ZBED6: variants seen among roughly 807,000 people sequenced by gnomAD.
ZBED6 encodes the protein zinc finger BED domain-containing protein 6.
In ZBED6, 40 loss-of-function variants were observed where a neutral mutation model predicts 58.4. That is an observed-to-expected ratio of 0.68 (90% CI 0.53 to 0.89). The LOEUF (loss-of-function observed/expected upper bound fraction) is 0.89. Among genes scored for constraint, ZBED6 ranks in the 40% least tolerant of loss-of-function variants. ZBED6 has a pLI of 0.00. For synonymous variants in ZBED6, 439 were observed against 350.6 expected (o/e 1.25, Z -2.82); for missense variants, 1,057 against 1,003.9 (o/e 1.05, Z -0.71).
At chr1:203,819,217 TTTC>T (rs1187152728) in intron 3 of ZBED6, among the ~76,000 whole-genome samples, 1 of 121,948 alleles carries the variant, frequency 8.2e-6, no homozygotes. Flanking sequence ...TTTTTTTTTC[TTTC>T]TTTTTATTTT....
Position 203,849,861 on chromosome 1 carries a change from G to C in ZBED6, c.*4473G>C. ...AGATGTAGCCTCTTGCAATACCCAA[G>C]TGGCAGAGAAACCAGTGCTCACTGC... On this transcript the variant is annotated 3_prime_UTR_variant, in exon 14 of 17. Coordinates refer to ENST00000550078, the Ensembl canonical transcript of ZBED6. 6.2e-6 allele frequency: 10 copies of C among 1,614,066 alleles called. No homozygotes were observed. The highest frequency in any genetic ancestry group is 8.5e-6 in the Non-Finnish European group (10 of 1,180,026).
chr1:203,839,474 T>A (rs561633554), intron 10 of ZBED6, among the ~76,000 whole-genome samples: 65 of 152,298 alleles, frequency 4.3e-4, no homozygotes, highest in African/African-American at 1.5e-3. Context: ...TCCTTCTCAT[T>A]GTGTTTGGTT....
exon 1 of ZBED6, chr1:203,796,389 C>T (rs940780358): frequency 2.5e-6 from 1 of 398,916 alleles, no homozygotes; most frequent in African/African-American, 2.1e-5. Context: ...TCATTACACT[C>T]CCACCCCTGG....
At chr1:203,813,632 G>C (rs2102695046) in intron 1 of ZBED6, among the ~76,000 whole-genome samples, 1 of 152,298 alleles carries the variant, frequency 6.6e-6, no homozygotes, top group South Asian at 2.1e-4. Flanking sequence ...AGCTACAGAA[G>C]TTTGTTGTCT....
At chr1:203,813,232 G>T (rs1330296924) in intron 1 of ZBED6, among the ~76,000 whole-genome samples, 1 of 151,230 alleles carries the variant, frequency 6.6e-6, no homozygotes, top group Non-Finnish European at 1.5e-5. Flanking sequence ...TTTGGATGGA[G>T]TTTTGCTCTT....
At chr1:203,819,076 A>T (rs1421910762) in intron 3 of ZBED6, among the ~76,000 whole-genome samples, 3 of 34,180 alleles carry the variant, frequency 8.8e-5, no homozygotes, top group African/African-American at 1.1e-4. Context: ...TCAAAAAAAA[A>T]AATATATATA....
At chr1:203,808,063 T>G (rs1416683647) in intron 1 of ZBED6, among the ~76,000 whole-genome samples, 8 of 152,146 alleles carry the variant, frequency 5.3e-5, no homozygotes, top group Non-Finnish European at 8.8e-5. Context: ...TTTTCTACTT[T>G]TATTGAGTAC....
At chr1:203,847,236 T>A in exon 12 of ZBED6, 1 of 1,613,800 alleles carries the variant, frequency 6.2e-7, no homozygotes, top group East Asian at 2.2e-5. Context: ...AAGAAATTCT[T>A]CTTGAAAGAG....
chr1:203,822,111 C>G (rs1485113097), intron 3 of ZBED6, among the ~76,000 whole-genome samples: 1 of 152,116 alleles, frequency 6.6e-6, no homozygotes, highest in Non-Finnish European at 1.5e-5. Context: ...CATATAGATG[C>G]TTCCAGTTCA....
chr1:203,809,489 A>G (rs1433821163), intron 1 of ZBED6, among the ~76,000 whole-genome samples: 1 of 151,824 alleles, frequency 6.6e-6, no homozygotes, highest in East Asian at 1.9e-4. Flanking sequence ...CTCTTTTTTC[A>G]TAGTGGTATG....
chr1:203,831,758 C>T (rs141612045), exon 8 of ZBED6: 2 of 1,611,808 alleles, frequency 1.2e-6, no homozygotes, highest in East Asian at 2.2e-5. Context: ...CAGTAACTCT[C>T]TCCACCAAAC....
intron 12 of ZBED6, 24 bp downstream of exon 12, chr1:203,847,711 G>A: frequency 1.2e-6 from 2 of 1,602,184 alleles, no homozygotes; most frequent in Non-Finnish European, 1.7e-6. Context: ...TTGGTCTCTA[G>A]TACCACGTCC....
At chr1:203,833,742 T>TTC in intron 8 of ZBED6, 49 bp from the exon 9 acceptor site, 1 of 1,551,286 alleles carries the variant, frequency 6.4e-7, no homozygotes, top group Non-Finnish European at 8.8e-7. Context: ...AGTTACTGAA[T>TTC]ACAGAAAAAT....
Position 203,851,047 on chromosome 1 carries a change from C to T in ZBED6, c.*4806-10C>T. The T allele has an allele frequency of 6.2e-7, 1 of 1,613,806 alleles. No homozygotes were observed. Among genetic ancestry groups the T allele is most frequent in the Non-Finnish European group, 8.5e-7 (1 of 1,179,944 alleles). ...ACTCTCACTGAATTACCTGACTCTTCCTTTTGTAGGCTGTTGTCCCGCTTG... is the reference window on the plus strand; with the variant it reads ...ACTCTCACTGAATTACCTGACTCTTTCTTTTGTAGGCTGTTGTCCCGCTTG... On this transcript the variant is annotated splice_polypyrimidine_tract_variant and intron_variant, in intron 15 of 16. Transcript: ENST00000550078.
chr1:203,851,170 C>A, intron 16 of ZBED6, 46 bp downstream of exon 16: 2 of 1,557,410 alleles, frequency 1.3e-6, no homozygotes, highest in Non-Finnish European at 1.8e-6. Flanking sequence ...GCCCCTGTTA[C>A]TGTTTAGGCT....
At chr1:203,804,663 T>C (rs1335269822) in intron 1 of ZBED6, among the ~76,000 whole-genome samples, 1 of 150,428 alleles carries the variant, frequency 6.6e-6, no homozygotes, top group Non-Finnish European at 1.5e-5. Context: ...TTTTTTTCTT[T>C]TTTGCCTCAT....
intron 16 of ZBED6, 34 bp from the exon 17 acceptor site, chr1:203,852,107 C>T (rs761127921): frequency 3.7e-5 from 59 of 1,607,808 alleles, no homozygotes; most frequent in South Asian, 2.2e-4. Flanking sequence ...ATTTTTAAAA[C>T]GGCAGTTTTC....
exon 1 of ZBED6, chr1:203,798,016 G>T: frequency 6.5e-7 from 1 of 1,533,974 alleles, no homozygotes; most frequent in Non-Finnish European, 8.7e-7. Context: ...AAACCAGGTA[G>T]CCATCTTGGT....
intron 9 of ZBED6, among the ~76,000 whole-genome samples, chr1:203,834,750 A>G (rs759130841): frequency 1.1e-4 from 17 of 152,164 alleles, no homozygotes; most frequent in South Asian, 2.1e-4. Context: ...CCTGGGTTCA[A>G]GTGATTCTCC....
Sources: gnomAD v4.1 joint callset for allele counts (sites outside exome capture counted in the v4.1 genomes callset) on GRCh38, gnomAD v4.1.1 for gene constraint, MANE v1.5 for transcripts, NCBI Gene and HGNC (gene_info 2026-07-23, HGNC 2026-07-21) for gene names.